Variants in RGS3 observed in about 807,000 individuals in gnomAD.
The protein encoded by RGS3 is regulator of G protein signaling 3, also known as regulator of G-protein signalling 3.
Under a neutral mutation model 132.6 loss-of-function variants are expected in RGS3, and 80 were observed. The ratio of observed to expected loss-of-function variants is 0.60; its 90% confidence interval spans 0.50 to 0.73. The LOEUF is 0.73. RGS3 is among the 30% of genes least tolerant of loss of function. The pLI, the probability that RGS3 is intolerant of heterozygous loss-of-function variation, is 0.00. For missense variants in RGS3, 1,382 were observed against 1,530.8 expected (o/e 0.90, Z 1.62); for synonymous variants, 598 against 620.6 (o/e 0.96, Z 0.54).
At chr9:113,593,653 T>C (rs192174821) in intron 21 of RGS3, 2 of 456,232 alleles carry the variant, frequency 4.4e-6, no homozygotes, top group African/African-American at 2.0e-5. Flanking sequence ...GCAGGAGCCA[T>C]TCTCTGGGAG....
chr9:113,494,931 A>T (rs988086657), intron 7 of RGS3, among the ~76,000 whole-genome samples: 1 of 151,942 alleles, frequency 6.6e-6, no homozygotes, highest in African/African-American at 2.4e-5. Context: ...GCTGCAGTGC[A>T]GTGGTGCGAT....
chr9:113,449,517 T>C (rs1301890798), intron 1 of RGS3, among the ~76,000 whole-genome samples: 1 of 152,206 alleles, frequency 6.6e-6, no homozygotes, highest in Non-Finnish European at 1.5e-5. Context: ...GAAGATGCAC[T>C]GCAACTAATG....
chr9:113,455,025 C>T (rs1475251586), intron 1 of RGS3, among the ~76,000 whole-genome samples: 1 of 152,098 alleles, frequency 6.6e-6, no homozygotes, highest in Non-Finnish European at 1.5e-5. Context: ...TGGTACTCTG[C>T]CTTGGAACTC....
chr9:113,469,042 ATTT>A (rs145400431), intron 3 of RGS3, among the ~76,000 whole-genome samples: 6 of 102,112 alleles, frequency 5.9e-5, no homozygotes, highest in Admixed American at 2.0e-4. Context: ...TTTGCTCAGC[ATTT>A]TTTTTTTTTT....
At chr9:113,465,109 C>T (rs547910061) in intron 3 of RGS3, among the ~76,000 whole-genome samples, 128 of 152,188 alleles carry the variant, frequency 8.4e-4, no homozygotes, top group South Asian at 2.1e-3. Context: ...CACTTAATGC[C>T]CCAGCGTAGG....
chr9:113,454,683 CT>C (rs772993021), intron 1 of RGS3, among the ~76,000 whole-genome samples: 14,431 of 121,246 alleles, frequency 0.12, 787 homozygotes, highest in African/African-American at 0.13. Context: ...TGCTTTTAAA[CT>C]TTTTTTTTTT....
intron 3 of RGS3, among the ~76,000 whole-genome samples, chr9:113,467,509 A>G (rs1479155805): frequency 6.6e-6 from 1 of 152,084 alleles, no homozygotes; most frequent in African/African-American, 2.4e-5. Context: ...TCATGTGCTC[A>G]TTATTTATAT....
In RGS3 at chr9:113,463,765, G is replaced by T. The variant is rs1829534986; in HGVS notation, c.415+1564G>T. On this transcript the variant is annotated intron_variant, in intron 3 of 24. Transcript: ENST00000350696. This position sits in a 1 kb window ranked among gnomAD's most constrained non-coding sequence, Gnocchi z 4.6. ...ACTGGGGAGCAACACAGCCGCCTCG[G>T]GTTGCAGACGCTCCTGTCCGGGTCG... 1 of 1,580,314 alleles carries T rather than the reference G, an allele frequency of 6.3e-7. No homozygotes were observed. Among genetic ancestry groups the T allele is most frequent in the East Asian group, 2.3e-5 (1 of 43,458 alleles).
chr9:113,449,458 G>A (rs539888443), intron 1 of RGS3, among the ~76,000 whole-genome samples: 9 of 152,240 alleles, frequency 5.9e-5, no homozygotes, highest in African/African-American at 9.6e-5. Flanking sequence ...TGAGAATTCC[G>A]TCAATGTGTG....
At position 113,536,861 on chromosome 9, in the gene RGS3, C is replaced by T. The variant is rs745853828; in HGVS notation, c.1980C>T (p.Cys660=). ...AGCAGAAGAAGAGAGTGTGCTGGTG[C>T]CTGTCGGAGAACATCGCCAAGCAGC... is the stretch of plus-strand genomic sequence containing the variant. Residue 660 remains cysteine, a synonymous_variant, in exon 19 of 25, where the codon TGC becomes TGT. Transcript: ENST00000350696. 6 of 1,614,014 alleles carry T rather than the reference C, an allele frequency of 3.7e-6. No homozygotes were observed. In the African/African-American group the frequency reaches 8.0e-5, roughly 22 times the overall value.
intron 19 of RGS3, among the ~76,000 whole-genome samples, chr9:113,575,484 T>C (rs1349559470): frequency 6.6e-6 from 1 of 152,154 alleles, no homozygotes; most frequent in East Asian, 1.9e-4. Context: ...GGAACGTGAA[T>C]GGGCAGCTGC....
At chr9:113,524,497 C>G (rs1044594573) in intron 17 of RGS3, among the ~76,000 whole-genome samples, 1 of 152,242 alleles carries the variant, frequency 6.6e-6, no homozygotes. Context: ...CAGCTTCCTG[C>G]GAGAAGGAGG....
chr9:113,572,866 T>A (rs913960701), intron 19 of RGS3, among the ~76,000 whole-genome samples: 6 of 152,226 alleles, frequency 3.9e-5, no homozygotes, highest in South Asian at 4.1e-4. Flanking sequence ...AGCTTCCAAG[T>A]TTCCCCCCCT....
exon 25 of RGS3, chr9:113,597,074 A>G: frequency 2.5e-6 from 2 of 804,562 alleles, no homozygotes; most frequent in East Asian, 5.3e-5. Context: ...CTCTGGACAG[A>G]CGGATAGACA....
chr9:113,537,074 C>G lies in RGS3; in HGVS notation c.2037+156C>G, dbSNP rs1367541224. 6.6e-6 allele frequency among the ~76,000 whole-genome samples: 1 copy of G among 152,218 alleles called. No individual in the cohort carries two copies. The highest frequency in any genetic ancestry group is 2.4e-5 in the African/African-American group (1 of 41,452). ...CAAGCGGGGACCTGTGCCCGAATGT[C>G]TCTCCCCCTTGGCATGTCATTGGGT... is the stretch of plus-strand genomic sequence containing the variant. On this transcript the variant is annotated intron_variant, in intron 19 of 24. Coordinates refer to ENST00000350696, the Ensembl canonical transcript of RGS3. The surrounding 1 kb of genome is among the most constrained non-coding windows in gnomAD (Gnocchi z 4.3).
intron 18 of RGS3, among the ~76,000 whole-genome samples, chr9:113,530,381 A>G (rs1832412537): frequency 6.6e-6 from 1 of 152,258 alleles, no homozygotes; most frequent in East Asian, 1.9e-4. Flanking sequence ...TGCCTGAAAT[A>G]CAGACCTGAG....
At chr9:113,584,501 G>A (rs1588290945) in intron 20 of RGS3, 74 bp downstream of exon 18, 1 of 1,264,382 alleles carries the variant, frequency 7.9e-7, no homozygotes, top group Non-Finnish European at 1.0e-6. Flanking sequence ...TGCAGGGAAT[G>A]AGAAGTCACC....
rs1835409419 is a variant in RGS3, at chr9:113,591,301, C to A, written c.3016-32C>A. The A allele has an allele frequency of 6.2e-7, 1 of 1,604,740 alleles. No homozygotes were observed. The highest frequency in any genetic ancestry group is 1.3e-5 in the African/African-American group (1 of 74,746). ...ACTTAGGCAGGAGTTCCTGGGTGCC[C>A]AGACTGCATCGTGTCTGTCTTCTCT... is the stretch of plus-strand genomic sequence containing the variant. On this transcript the variant is annotated intron_variant, in intron 20 of 24. Transcript: ENST00000350696. The surrounding 1 kb of genome is among the most constrained non-coding windows in gnomAD (Gnocchi z 4.4).
intron 8 of RGS3, 88 bp from the exon 7 acceptor site, chr9:113,497,226 G>C (rs373736873): frequency 9.6e-7 from 1 of 1,040,712 alleles, no homozygotes; most frequent in East Asian, 2.4e-5. Context: ...TGGGTGTCCA[G>C]TGGCTACTTT....
Sources: gnomAD v4.1 joint callset for allele counts (sites outside exome capture counted in the v4.1 genomes callset) on GRCh38, gnomAD v4.1.1 for gene constraint, Gnocchi (gnomAD v3.1) non-coding constraint, MANE v1.5 for transcripts, NCBI Gene and HGNC (gene_info 2026-07-23, HGNC 2026-07-21) for gene names.